Variants in HIVEP1 observed in about 807,000 individuals in gnomAD.
HIVEP1 encodes zinc finger protein 40.
HIVEP1 carries 36 observed loss-of-function variants against 180.0 expected under a neutral mutation model. The ratio of observed to expected loss-of-function variants is 0.20; its 90% CI spans 0.15 to 0.26. The LOEUF (loss-of-function observed/expected upper bound fraction) is 0.26, where lower values mean the gene tolerates loss of function less well. HIVEP1 is among the 10% of genes least tolerant of loss of function. The pLI is 1.00. For synonymous variants in HIVEP1, 1,239 were observed against 1,239.0 expected, an observed-to-expected ratio of 1.00 and a Z score of 0.00; for missense variants, 3,143 against 3,268.7, an observed-to-expected ratio of 0.96 and a Z score of 0.94.
intron 2 of HIVEP1, among the ~76,000 whole-genome samples, chr6:12,074,753 T>C (rs934130837): frequency 2.1e-5 from 3 of 145,302 alleles, no homozygotes; most frequent in African/African-American, 5.2e-5. Flanking sequence ...TAAAAAATTA[T>C]CACTTTTTTA....
At chr6:12,009,174 C>T (rs1002259540), upstream of HIVEP1, among the ~76,000 whole-genome samples, 7 of 145,594 alleles carry the variant, frequency 4.8e-5, no homozygotes, top group African/African-American at 1.2e-4. Flanking sequence ...GGCGGAGGGC[C>T]GGGGCCGCGG....
intron 3 of HIVEP1, among the ~76,000 whole-genome samples, chr6:12,104,425 CTT>C (rs70981665): frequency 5.5e-5 from 4 of 72,790 alleles, no homozygotes; most frequent in Non-Finnish European, 9.8e-5. Flanking sequence ...CTTTTCTTTC[CTT>C]TTTTTTTTTT....
chr6:12,145,068 C>T (rs1193445398), intron 7 of HIVEP1, among the ~76,000 whole-genome samples: 1 of 152,116 alleles, frequency 6.6e-6, no homozygotes, highest in Non-Finnish European at 1.5e-5. Context: ...GACACATGCA[C>T]ACGTATGTTT....
At chr6:12,017,790 T>C (rs1767914441) in intron 2 of HIVEP1, among the ~76,000 whole-genome samples, 1 of 152,182 alleles carries the variant, frequency 6.6e-6, no homozygotes, top group African/African-American at 2.4e-5. Context: ...AGAGTGCTGA[T>C]TGGTGTATTC....
intron 3 of HIVEP1, among the ~76,000 whole-genome samples, chr6:12,097,588 A>C (rs1028327777): frequency 6.6e-6 from 1 of 152,156 alleles, no homozygotes; most frequent in Non-Finnish European, 1.5e-5. Flanking sequence ...GTATTCTCTT[A>C]GTGTAATAGA....
intron 3 of HIVEP1, among the ~76,000 whole-genome samples, chr6:12,113,868 A>G (rs1479734023): frequency 6.6e-6 from 1 of 152,134 alleles, no homozygotes; most frequent in African/African-American, 2.4e-5. Flanking sequence ...CCTTACCTCC[A>G]TCTTCACCAG....
At chr6:12,035,775 T>C (rs1561873486) in intron 2 of HIVEP1, among the ~76,000 whole-genome samples, 1 of 152,122 alleles carries the variant, frequency 6.6e-6, no homozygotes, top group Non-Finnish European at 1.5e-5. Context: ...AAAATCAATA[T>C]ATAGAAAGTA....
intron 3 of HIVEP1, among the ~76,000 whole-genome samples, chr6:12,113,774 A>G (rs1775050524): frequency 6.6e-6 from 1 of 152,082 alleles, no homozygotes; most frequent in South Asian, 2.1e-4. Context: ...CTGTTCCCTA[A>G]CTGGAAAGGA....
chr6:12,129,217 T>A (rs1758273312), intron 4 of HIVEP1, among the ~76,000 whole-genome samples: 1 of 152,080 alleles, frequency 6.6e-6, no homozygotes. Flanking sequence ...CAAAAAAGAT[T>A]TATGATTTAA....
At chr6:12,081,740 T>G (rs185993855) in intron 2 of HIVEP1, among the ~76,000 whole-genome samples, 3 of 152,174 alleles carry the variant, frequency 2.0e-5, no homozygotes, top group African/African-American at 7.2e-5. Context: ...CTGTTTTCCT[T>G]TGACCCTGTG....
At chr6:12,038,618 G>T in intron 2 of HIVEP1, 1 of 152,622 alleles carries the variant, frequency 6.6e-6, no homozygotes, top group South Asian at 2.1e-4. Flanking sequence ...GTTGCAGTGA[G>T]CCAAGATTGC....
At chr6:12,169,183 G>A (rs774440044), downstream of HIVEP1, among the ~76,000 whole-genome samples, 7 of 151,976 alleles carry the variant, frequency 4.6e-5, no homozygotes, top group South Asian at 2.1e-4. Context: ...CACTGTGCCC[G>A]GTAAATGCAT....
intron 6 of HIVEP1, among the ~76,000 whole-genome samples, chr6:12,134,238 G>A (rs1247271132): frequency 6.6e-6 from 1 of 151,782 alleles, no homozygotes; most frequent in East Asian, 1.9e-4. Context: ...ATTTTTTTCA[G>A]TATATTTAAT....
intron 2 of HIVEP1, among the ~76,000 whole-genome samples, chr6:12,025,780 C>T (rs1217229575): frequency 6.6e-6 from 1 of 152,222 alleles, no homozygotes; most frequent in African/African-American, 2.4e-5. Context: ...TGGCTCACGC[C>T]TGTAATCCCA....
chr6:12,168,074 T>TACAC (rs1466228672), downstream of HIVEP1, among the ~76,000 whole-genome samples: 4 of 72,980 alleles, frequency 5.5e-5, 1 homozygote, highest in Admixed American at 3.7e-4. Flanking sequence ...CATATATATG[T>TACAC]GTATATATAC....
intron 2 of HIVEP1, among the ~76,000 whole-genome samples, chr6:12,051,001 CATATATATATAT>C (rs1161977899): frequency 0.023 from 1,812 of 77,632 alleles, 83 homozygotes; most frequent in African/African-American, 0.065. Context: ...TACACAAGTG[CATATATATATAT>C]ATATATATAT....
At chr6:12,035,829 A>G (rs1320299496) in intron 2 of HIVEP1, among the ~76,000 whole-genome samples, 1 of 152,244 alleles carries the variant, frequency 6.6e-6, no homozygotes, top group African/African-American at 2.4e-5. Flanking sequence ...GGGCTTAGAG[A>G]ATTACAGTCC....
chr6:12,104,425 C>CTTTTTT lies in HIVEP1; in HGVS notation c.94+15207_94+15212dup, dbSNP rs70981665. Among the ~76,000 whole-genome samples the CTTTTTT allele has an allele frequency of 2.3e-3, 167 of 72,788 alleles. 3 individuals carry two copies. The highest frequency in any genetic ancestry group is 2.8e-3 in the Admixed American group (13 of 4,720). The allele number at this position is 72,788 out of a possible 152,430, so 47.8% of individuals were successfully genotyped here. ...CTCTCTCTCTCTCTCCTTTTCTTTC[C>CTTTTTT]TTTTTTTTTTTTTTTTTTTTTTTTC... On this transcript the variant is annotated intron_variant, in intron 3 of 8. Coordinates refer to ENST00000379388, the MANE Select transcript of HIVEP1 (RefSeq NM_002114.4).
rs372188709 is a variant in HIVEP1 at position 12,132,514 on chromosome 6, G to A, written c.6385+1572G>A. Among the ~76,000 whole-genome samples the A allele has an allele frequency of 2.6e-5, 4 of 152,144 alleles. No homozygotes were observed. In the East Asian group the frequency reaches 7.7e-4, roughly 29 times the overall value. ...ACAACCTAGATGTGGTAAACCAAAT[G>A]AAACTACAGAGATTTCTTGGCAAGG... On this transcript the variant is annotated intron_variant, in intron 6 of 8. Coordinates refer to ENST00000379388, the MANE Select transcript of HIVEP1 (RefSeq NM_002114.4).
Sources: allele counts gnomAD v4.1 joint callset (sites outside exome capture counted in the v4.1 genomes callset), GRCh38; gene constraint gnomAD v4.1.1; transcripts MANE v1.5; gene names NCBI Gene and HGNC (gene_info 2026-07-23, HGNC 2026-07-21).